The following EML1 variants were observed in gnomAD, a reference collection of about 807,000 sequenced individuals.
EML1 encodes echinoderm microtubule-associated protein-like 1.
Under a neutral mutation model 110.4 loss-of-function variants are expected in EML1, and 27 were observed. That is an observed-to-expected ratio of 0.24 (90% CI 0.18 to 0.34). EML1 has a LOEUF of 0.34. Ranked by LOEUF, EML1 falls within the 10% of genes least tolerant of loss-of-function variation. The pLI, the probability that EML1 is intolerant of heterozygous loss-of-function variation, is 1.00. For missense variants in EML1, 741 were observed against 1,030.9 expected (o/e 0.72, Z 3.85); for synonymous variants, 344 against 385.8 (o/e 0.89, Z 1.27).
chr14:99,936,170 T>C lies in EML1; in HGVS notation c.2007+44T>C, dbSNP rs764005145. On this transcript the variant is annotated intron_variant, in intron 18 of 21. Transcript: ENST00000262233. The surrounding 1 kb of genome is among the most constrained non-coding windows in gnomAD (Gnocchi z 5.5). ...CCTGTCGCTTCTCATGCACTGCGTA[T>C]AGTTTAACTACCGTGGAACAGTGTT... 6.2e-7 allele frequency: 1 copy of C among 1,612,696 alleles called. No individual in the cohort carries two copies. The highest frequency in any genetic ancestry group is 1.1e-5 in the South Asian group (1 of 91,056).
intron 2 of EML1, among the ~76,000 whole-genome samples, chr14:99,857,553 T>C (rs1019222383): frequency 2.0e-5 from 3 of 152,164 alleles, no homozygotes; most frequent in Non-Finnish European, 4.4e-5. Context: ...GGAAAGAAAC[T>C]CCTCACCCAT....
At chr14:99,865,389 G>A (rs1164603649) in intron 2 of EML1, 125 bp from the exon 3 acceptor site, 11 of 1,210,780 alleles carry the variant, frequency 9.1e-6, no homozygotes, top group Middle Eastern at 2.5e-4. Context: ...TTGCTCACTC[G>A]CTCACTGCTC....
intron 1 of EML1, chr14:99,809,533 G>A: frequency 4.8e-6 from 2 of 416,288 alleles, no homozygotes; most frequent in South Asian, 3.5e-5. Context: ...GGCACCCTGG[G>A]AACCTCGGCC....
rs965091061 is a variant in EML1, at chr14:99,781,497, C to G, written c.-27+7484C>G. ...GGTCTGGCGGGCCAGTTCCCCACCC[C>G]ACAGCTGGGAGGATGGCTGCCAGCC... is the stretch of plus-strand genomic sequence containing the variant. On this transcript the variant is annotated intron_variant, in intron 1 of 22. Transcript: ENST00000327921. The surrounding 1 kb of genome is among the most constrained non-coding windows in gnomAD (Gnocchi z 4.2). Among the ~76,000 whole-genome samples, 1 of 152,132 alleles carries G rather than the reference C, an allele frequency of 6.6e-6. No homozygotes were observed. Among genetic ancestry groups the G allele is most frequent in the Non-Finnish European group, 1.5e-5 (1 of 68,024 alleles).
chr14:99,783,485 CT>C (rs59785136), intron 1 of EML1, among the ~76,000 whole-genome samples: 105,817 of 117,290 alleles, frequency 0.9, 47,602 homozygotes, highest in East Asian at 0.97. Flanking sequence ...TAAAGGGGTA[CT>C]TTTTTTTTTT....
chr14:99,904,747 C>T (rs892086006), intron 9 of EML1, among the ~76,000 whole-genome samples: 10 of 152,106 alleles, frequency 6.6e-5, no homozygotes, highest in Non-Finnish European at 8.8e-5. Context: ...CCCAAGCACA[C>T]GAAACAAGAT....
At chr14:99,852,283 G>A (rs923198170) in intron 2 of EML1, among the ~76,000 whole-genome samples, 1 of 152,128 alleles carries the variant, frequency 6.6e-6, no homozygotes, top group African/African-American at 2.4e-5. Context: ...TGGCTAAAAC[G>A]TTTTTTGAGA....
intron 3 of EML1, among the ~76,000 whole-genome samples, chr14:99,871,587 GGAA>G (rs2059206516): frequency 1.3e-5 from 2 of 152,036 alleles, no homozygotes; most frequent in Admixed American, 6.5e-5. Context: ...AGGGAAGTTT[GGAA>G]GAAGATGATT....
At chr14:99,862,136 G>A in intron 2 of EML1, among the ~76,000 whole-genome samples, 1 of 152,158 alleles carries the variant, frequency 6.6e-6, no homozygotes, top group East Asian at 1.9e-4. Flanking sequence ...CTGTTAGAGG[G>A]TTCATTGACT....
At chr14:99,815,839 A>G (rs1050473881) in intron 1 of EML1, among the ~76,000 whole-genome samples, 2 of 152,144 alleles carry the variant, frequency 1.3e-5, no homozygotes, top group Non-Finnish European at 2.9e-5. Context: ...TGTCGTAGAG[A>G]TGCTTACGAG....
chr14:99,846,951 T>C (rs1394920359), intron 1 of EML1, among the ~76,000 whole-genome samples: 1 of 152,226 alleles, frequency 6.6e-6, no homozygotes, highest in Non-Finnish European at 1.5e-5. Flanking sequence ...GTTGACCTTT[T>C]CAGATAACCA....
At chr14:99,854,845 T>A (rs2058875181) in intron 2 of EML1, among the ~76,000 whole-genome samples, 1 of 152,182 alleles carries the variant, frequency 6.6e-6, no homozygotes, top group Non-Finnish European at 1.5e-5. Flanking sequence ...AATACGGAAG[T>A]GTTTCAGAGT....
At chr14:99,869,554 A>AT (rs1404152829) in intron 3 of EML1, among the ~76,000 whole-genome samples, 6 of 152,136 alleles carry the variant, frequency 3.9e-5, no homozygotes, top group Non-Finnish European at 7.4e-5. Flanking sequence ...AGAGTCATAC[A>AT]TTTTTCACTT....
Position 99,827,100 on chromosome 14 carries a change from C to T in EML1, c.68-23753C>T, listed in dbSNP as rs2058373526. On this transcript the variant is annotated intron_variant, in intron 1 of 21. Coordinates refer to ENST00000262233, the MANE Select transcript of EML1 (RefSeq NM_004434.3). The surrounding 1 kb of genome is among the most constrained non-coding windows in gnomAD (Gnocchi z 4.4). The stretch of plus-strand genomic sequence containing the variant: ...CTGTAAATACGCTGGGGGGTATTTA[C>T]ATGTAGAGGGGGATGACCACCTGAA... Among the ~76,000 whole-genome samples, 1 of 152,122 alleles carries T rather than the reference C, an allele frequency of 6.6e-6. No individual in the cohort carries two copies. The highest frequency in any genetic ancestry group is 2.4e-5 in the African/African-American group (1 of 41,396).
chr14:99,841,951 A>T (rs2058641111), intron 1 of EML1, among the ~76,000 whole-genome samples: 1 of 152,214 alleles, frequency 6.6e-6, no homozygotes. Flanking sequence ...TAGAAAACCC[A>T]AGAGGTAAAA....
intron 15 of EML1, among the ~76,000 whole-genome samples, chr14:99,916,318 C>T (rs1023712205): frequency 1.3e-5 from 2 of 152,218 alleles, no homozygotes; most frequent in African/African-American, 2.4e-5. Context: ...CAAGTGAACA[C>T]GATTTCTGTT....
intron 1 of EML1, among the ~76,000 whole-genome samples, chr14:99,842,800 T>C (rs1002737421): frequency 4.6e-5 from 7 of 152,212 alleles, no homozygotes; most frequent in African/African-American, 1.7e-4. Context: ...TTTTATAATA[T>C]TGATTTGAAA....
intron 17 of EML1, among the ~76,000 whole-genome samples, chr14:99,929,418 C>T (rs2060326196): frequency 6.6e-6 from 1 of 152,212 alleles, no homozygotes; most frequent in Non-Finnish European, 1.5e-5. Flanking sequence ...CCTGGAACAG[C>T]ACCCAGATGG....
intron 3 of EML1, among the ~76,000 whole-genome samples, chr14:99,866,428 A>G (rs1189435808): frequency 1.3e-5 from 2 of 152,022 alleles, no homozygotes; most frequent in Non-Finnish European, 2.9e-5. Context: ...AAATTATCTG[A>G]GCGTGGTGGC....
Sources: gnomAD v4.1 joint callset for allele counts (sites outside exome capture counted in the v4.1 genomes callset) on GRCh38, gnomAD v4.1.1 for gene constraint, Gnocchi (gnomAD v3.1) non-coding constraint, MANE v1.5 for transcripts, NCBI Gene and HGNC (gene_info 2026-07-23, HGNC 2026-07-21) for gene names.